ZNRF2: variants seen among roughly 807,000 people sequenced by gnomAD.
ZNRF2 encodes zinc and ring finger 2.
A neutral mutation model predicts 20.4 loss-of-function variants in ZNRF2; 16 were observed. The observed-to-expected ratio is 0.79, with a 90% CI of 0.53 to 1.19. The LOEUF (loss-of-function observed/expected upper bound fraction) is 1.19, where lower values mean the gene tolerates loss of function less well. Among genes scored for constraint, ZNRF2 ranks in the 50% most tolerant of loss-of-function variants. The pLI, the probability that ZNRF2 is intolerant of heterozygous loss-of-function variation, is 0.00. For synonymous variants in ZNRF2, 178 were observed against 144.9 expected, an observed-to-expected ratio of 1.23 and a Z score of -1.64; for missense variants, 363 against 332.4, an observed-to-expected ratio of 1.09 and a Z score of -0.72.
rs372446967 is a variant in ZNRF2, at chr7:30,299,928, C to T, written c.469+14102C>T. 6.7e-4 allele frequency among the ~76,000 whole-genome samples: 101 copies of T among 151,610 alleles called. 1 individual carries two copies. The highest frequency in any genetic ancestry group is 2.3e-3 in the African/African-American group (97 of 41,338). ...CCAAGTAGCTGGGACTACAGGCGCC[C>T]GCCACCACACCCGGCTAATTTTTTG... On this transcript the variant is annotated intron_variant, in intron 1 of 4. Coordinates refer to ENST00000323037, the MANE Select transcript of ZNRF2 (RefSeq NM_147128.4).
intron 3 of ZNRF2, among the ~76,000 whole-genome samples, chr7:30,357,574 T>C (rs746140981): frequency 4.0e-5 from 6 of 150,794 alleles, no homozygotes; most frequent in Non-Finnish European, 5.9e-5. Flanking sequence ...ACAAAGAAAA[T>C]AGAAAAAAAT....
intron 2 of ZNRF2, among the ~76,000 whole-genome samples, chr7:30,353,923 C>A (rs1799995266): frequency 1.3e-5 from 2 of 151,928 alleles, no homozygotes; most frequent in Non-Finnish European, 1.5e-5. Context: ...TGAGAATATA[C>A]CATATTACTT....
chr7:30,365,314 A>G (rs1190505374), intron 4 of ZNRF2, among the ~76,000 whole-genome samples: 2 of 152,032 alleles, frequency 1.3e-5, no homozygotes, highest in African/African-American at 2.4e-5. Flanking sequence ...GTCTTCAACA[A>G]CATTTCCATT....
chr7:30,285,495 G>A lies in ZNRF2; in HGVS notation c.138G>A (p.Ala46=). ...GGGGGARAAA[A]GRFPAQVPSA... ...GCGGGGGCGCTCGGGCCGCCGCCGC[G>A]GGGAGGTTCCCGGCTCAGGTGCCCA... The change falls in exon 1 of 5, where the codon GCG becomes GCA. Residue 46 remains alanine (A), a synonymous_variant. Transcript: ENST00000323037. 1 of 1,069,552 alleles carries A rather than the reference G, an allele frequency of 9.3e-7. No individual in the cohort carries two copies. The highest frequency in any genetic ancestry group is 1.1e-6 in the Non-Finnish European group (1 of 886,528). The allele number at this position is 1,069,552 out of a possible 1,614,324, so 66.3% of individuals were successfully genotyped here.
intron 1 of ZNRF2, 149 bp downstream of exon 1, chr7:30,285,975 T>TG: frequency 7.6e-7 from 1 of 1,315,964 alleles, no homozygotes; most frequent in Non-Finnish European, 9.7e-7. Flanking sequence ...GTCTCCATCC[T>TG]GGAAGAAACC....
intron 1 of ZNRF2, 82 bp downstream of exon 1, chr7:30,285,908 C>T (rs1013746400): frequency 4.5e-6 from 6 of 1,335,444 alleles, no homozygotes; most frequent in African/African-American, 1.5e-5. Context: ...TTTTACCCTT[C>T]TCCTTTTCTC....
At chr7:30,293,911 C>G (rs890321918) in intron 1 of ZNRF2, among the ~76,000 whole-genome samples, 3 of 152,104 alleles carry the variant, frequency 2.0e-5, no homozygotes, top group Non-Finnish European at 2.9e-5. Flanking sequence ...TGTGATTAGT[C>G]TGTAATAGTT....
In ZNRF2 at chr7:30,309,982, G is replaced by A. The variant is rs149541316; in HGVS notation, c.470-13660G>A. Among the ~76,000 whole-genome samples, 45 of 152,304 alleles carry A rather than the reference G, an allele frequency of 3.0e-4. 1 individual carries two copies. The highest frequency in any genetic ancestry group is 9.1e-4 in the African/African-American group (38 of 41,564). The stretch of plus-strand genomic sequence containing the variant: ...ACCAGGGAGTGATCAGGTCTGGTTG[G>A]TGTTTTGAAGATAGCCTGTGACAAC... On this transcript the variant is annotated intron_variant, in intron 1 of 4. Coordinates refer to ENST00000323037, the MANE Select transcript of ZNRF2 (RefSeq NM_147128.4).
chr7:30,304,380 AAGT>A (rs1306769744), intron 1 of ZNRF2, among the ~76,000 whole-genome samples: 5 of 152,244 alleles, frequency 3.3e-5, no homozygotes, highest in African/African-American at 1.2e-4. Flanking sequence ...ATGCAAACTG[AAGT>A]AGTAATGTGA....
chr7:30,364,770 T>C (rs1800183169), intron 4 of ZNRF2, among the ~76,000 whole-genome samples: 1 of 152,286 alleles, frequency 6.6e-6, no homozygotes, highest in African/African-American at 2.4e-5. Context: ...ATAGATAAAA[T>C]TTGTCTTTTT....
intron 2 of ZNRF2, among the ~76,000 whole-genome samples, chr7:30,331,297 T>A (rs1031931308): frequency 1.3e-5 from 2 of 152,144 alleles, no homozygotes; most frequent in African/African-American, 4.8e-5. Flanking sequence ...AACAGCTTTA[T>A]TTTCAAATAG....
chr7:30,285,383 C>A lies in ZNRF2; in HGVS notation c.26C>A (p.Ala9Asp). ...ATGGGCGCCAAACAGAGCGGCCCGG[C>A]CGCCGCTAACGGCCGCACGCGCGCG... MGAKQSGP[A>D]AANGRTRAYS... Residue 9 changes from alanine (A) to aspartate (D), a missense_variant, in exon 1 of 5, where the codon GCC becomes GAC. Physicochemically the swap from Ala to Asp is moderately radical, Grantham distance 126 (BLOSUM62 -2). Around this residue, in one of 2 missense-constraint regions of ZNRF2, gnomAD observed 302 missense variants for 231.5 expected, o/e 1.30. Coordinates refer to ENST00000323037, the MANE Select transcript of ZNRF2 (RefSeq NM_147128.4). The A allele has an allele frequency of 8.1e-7, 1 of 1,235,794 alleles. No individual in the cohort carries two copies. The highest frequency in any genetic ancestry group is 1.0e-6 in the Non-Finnish European group (1 of 972,534). 76.6% of individuals were successfully genotyped at this position (1,235,794 alleles called of 1,614,324 possible).
intron 2 of ZNRF2, among the ~76,000 whole-genome samples, chr7:30,335,087 T>G (rs1464848301): frequency 6.6e-6 from 1 of 152,166 alleles, no homozygotes; most frequent in Non-Finnish European, 1.5e-5. Context: ...CTAGAAAGCC[T>G]GAAGTAGGAT....
intron 4 of ZNRF2, 112 bp from the exon 5 acceptor site, chr7:30,365,923 A>C (rs1289724347): frequency 6.6e-6 from 1 of 152,152 alleles, no homozygotes; most frequent in Non-Finnish European, 1.5e-5. Flanking sequence ...TCTGTTTCTT[A>C]ATCTGTTCTT....
chr7:30,362,275 T>C, intron 3 of ZNRF2, 102 bp from the exon 4 acceptor site: 1 of 698,550 alleles, frequency 1.4e-6, no homozygotes, highest in Non-Finnish European at 2.2e-6. Context: ...GCTCATTTTT[T>C]TCTGTAAAAA....
Position 30,319,827 on chromosome 7 carries a change from A to G in ZNRF2, c.470-3815A>G, listed in dbSNP as rs565004727. On this transcript the variant is annotated intron_variant, in intron 1 of 4. Coordinates refer to ENST00000323037, the MANE Select transcript of ZNRF2 (RefSeq NM_147128.4). Reference sequence around the variant, plus strand: ...GAGCAGAATGATCTGGTTCATCTCTACTGTTGACTCTCTTCATCACAGTCT... The same window carrying G: ...GAGCAGAATGATCTGGTTCATCTCTGCTGTTGACTCTCTTCATCACAGTCT... 6.4e-4 allele frequency among the ~76,000 whole-genome samples: 98 copies of G among 152,236 alleles called. 1 individual carries two copies. Among genetic ancestry groups the G allele is most frequent in the African/African-American group, 2.2e-3 (92 of 41,548 alleles).
chr7:30,293,674 G>A (rs777079457), intron 1 of ZNRF2, among the ~76,000 whole-genome samples: 1 of 152,176 alleles, frequency 6.6e-6, no homozygotes, highest in Non-Finnish European at 1.5e-5. Context: ...TAATCTTTGG[G>A]ACTACGTAAA....
At chr7:30,354,598 A>G (rs1232955229) in intron 2 of ZNRF2, among the ~76,000 whole-genome samples, 4 of 152,232 alleles carry the variant, frequency 2.6e-5, no homozygotes, top group African/African-American at 9.6e-5. Context: ...AGGAATGGGC[A>G]TATCAAACAA....
Position 30,285,092 on chromosome 7 carries a change from G to C in ZNRF2, c.-266G>C. ...GCCGCCCCTTCCTGCTGGAGCCAGCGAGGGGTGCCTGCAGCCGGGACCCCT... is the reference window on the plus strand; with the variant it reads ...GCCGCCCCTTCCTGCTGGAGCCAGCCAGGGGTGCCTGCAGCCGGGACCCCT... On this transcript the variant is annotated 5_prime_UTR_variant, in exon 1 of 5. Transcript: ENST00000323037. The C allele has an allele frequency of 2.4e-6, 1 of 415,084 alleles. No homozygotes were observed. The highest frequency in any genetic ancestry group is 7.0e-4 in the Middle Eastern group (1 of 1,438). 25.7% of individuals were successfully genotyped at this position (415,084 alleles called of 1,614,324 possible). A position where few individuals can be genotyped will look rare whatever the true frequency, so the allele number is the denominator to read the frequency against.
Sources: allele counts gnomAD v4.1 joint callset (sites outside exome capture counted in the v4.1 genomes callset), GRCh38; gene constraint gnomAD v4.1.1; regional missense constraint gnomAD v4.1.1; transcripts MANE v1.5; gene names NCBI Gene and HGNC (gene_info 2026-07-23, HGNC 2026-07-21).